The following IL1RN variants were observed in gnomAD, a reference collection of about 807,000 sequenced individuals.
IL1RN encodes interleukin 1 receptor antagonist, also known as interleukin-1 receptor antagonist protein.
In IL1RN, 10 loss-of-function variants were observed where a neutral mutation model predicts 13.7. The observed-to-expected ratio is 0.73, with a 90% CI of 0.45 to 1.24. The LOEUF is 1.24. Ranked by LOEUF, IL1RN falls within the 50% of genes most tolerant of loss-of-function variation. IL1RN has a pLI of 0.00. For synonymous variants in IL1RN, 102 were observed against 82.7 expected (o/e 1.23, Z -1.27); for missense variants, 213 against 222.1 (o/e 0.96, Z 0.26).
upstream of IL1RN, among the ~76,000 whole-genome samples, chr2:113,127,082 C>T (rs1573300480): frequency 6.6e-6 from 1 of 152,184 alleles, no homozygotes; most frequent in African/African-American, 2.4e-5. Context: ...GACAGCTGAG[C>T]TGAGTAATCG....
At chr2:113,110,380 C>T (rs1459575941), upstream of IL1RN, among the ~76,000 whole-genome samples, 4 of 152,146 alleles carry the variant, frequency 2.6e-5, no homozygotes, top group South Asian at 2.1e-4. Context: ...CCAAGCTATC[C>T]TAGTTTTGCA....
chr2:113,132,904 A>G lies in IL1RN; in HGVS notation c.*33A>G. ...CAGGCCTGCCTGTTCCCATTCTTGC[A>G]TGGCAAGGACTGCAGGGACTGCCAG... On this transcript the variant is annotated 3_prime_UTR_variant, in exon 4 of 4. Coordinates refer to ENST00000409930, the MANE Select transcript of IL1RN (RefSeq NM_173842.3). 6.2e-7 allele frequency: 1 copy of G among 1,601,748 alleles called. No individual in the cohort carries two copies.
At chr2:113,102,215 C>G (rs1426329055), upstream of IL1RN, among the ~76,000 whole-genome samples, 1 of 152,216 alleles carries the variant, frequency 6.6e-6, no homozygotes, top group African/African-American at 2.4e-5. Context: ...CACTTGCTGG[C>G]TGGCAGACAG....
At chr2:113,130,467 C>G (rs1289478975) in intron 2 of IL1RN, among the ~76,000 whole-genome samples, 2 of 152,252 alleles carry the variant, frequency 1.3e-5, no homozygotes, top group Non-Finnish European at 2.9e-5. Flanking sequence ...TGGAGCCCCA[C>G]TCATGGCCTT....
chr2:113,107,569 CAAA>C (rs33981313), upstream of IL1RN, among the ~76,000 whole-genome samples: 2 of 143,140 alleles, frequency 1.4e-5, no homozygotes, highest in African/African-American at 2.6e-5. Flanking sequence ...ACTAAAAATA[CAAA>C]AAAAAAAAAA....
At chr2:113,103,117 G>A (rs747477604), upstream of IL1RN, among the ~76,000 whole-genome samples, 27 of 152,212 alleles carry the variant, frequency 1.8e-4, no homozygotes, top group Non-Finnish European at 3.2e-4. Context: ...GCCTGTATCA[G>A]TAGATCAGAG....
rs886054775 is a variant in IL1RN at position 113,133,240 on chromosome 2, T to C, written c.*369T>C. On this transcript the variant is annotated 3_prime_UTR_variant, in exon 4 of 4. Transcript: ENST00000409930. ...CATGCCCTGGATCCATCAGGCCACT[T>C]GATGACCCCCAACCAAGTGGCTCCC... 8 of 359,336 alleles carry C rather than the reference T, an allele frequency of 2.2e-5. No individual in the cohort carries two copies. The East Asian group carries it at 5.3e-4, about 24-fold the overall frequency. The allele number at this position is 359,336 out of a possible 1,614,324, so 22.3% of individuals were successfully genotyped here. A position where few individuals can be genotyped will look rare whatever the true frequency, so the allele number is the denominator to read the frequency against.
At chr2:113,116,043 G>A (rs1686585242), upstream of IL1RN, among the ~76,000 whole-genome samples, 1 of 152,158 alleles carries the variant, frequency 6.6e-6, no homozygotes, top group Non-Finnish European at 1.5e-5. Context: ...CTTTACAGTT[G>A]TTAGCCCAGT....
At chr2:113,129,689 T>A (rs4252011) in intron 2 of IL1RN, 25 bp downstream of exon 2, 2 of 1,466,540 alleles carry the variant, frequency 1.4e-6, no homozygotes, top group African/African-American at 2.8e-5. Flanking sequence ...GGAAAGCCAA[T>A]GTATGTGGGC....
At chr2:113,111,734 C>T (rs1686499883) in intron 1 of IL1RN, among the ~76,000 whole-genome samples, 1 of 152,252 alleles carries the variant, frequency 6.6e-6, no homozygotes, top group African/African-American at 2.4e-5. Flanking sequence ...TACACTCACA[C>T]AGGTGAGGAC....
upstream of IL1RN, among the ~76,000 whole-genome samples, chr2:113,105,989 G>C (rs1003306668): frequency 1.3e-5 from 2 of 152,204 alleles, no homozygotes; most frequent in Non-Finnish European, 2.9e-5. Context: ...CCATTTCATA[G>C]CCATCTCACC....
At chr2:113,103,734 T>G (rs1007789848), upstream of IL1RN, among the ~76,000 whole-genome samples, 3 of 151,994 alleles carry the variant, frequency 2.0e-5, no homozygotes, top group African/African-American at 7.2e-5. Flanking sequence ...TCAACAGAAA[T>G]ACAGCAATCA....
At position 113,133,451 on chromosome 2, in the gene IL1RN, G is replaced by T. The variant is rs1234027062; in HGVS notation, c.*580G>T. 1 of 157,708 alleles carries T rather than the reference G, an allele frequency of 6.3e-6. No individual in the cohort carries two copies. The highest frequency in any genetic ancestry group is 1.4e-5 in the Non-Finnish European group (1 of 71,072). The allele number at this position is 157,708 out of a possible 1,614,324, so 9.8% of individuals were successfully genotyped here. On this transcript the variant is annotated 3_prime_UTR_variant, in exon 4 of 4. Coordinates refer to ENST00000409930, the MANE Select transcript of IL1RN (RefSeq NM_173842.3). The stretch of plus-strand genomic sequence containing the variant: ...TAAAATATTCCTGCATTTGTGAAAT[G>T]ATGGTGAAAGTAAGTGGTAGCTTTT...
chr2:113,126,996 C>T (rs1373006052), upstream of IL1RN, among the ~76,000 whole-genome samples: 1 of 152,218 alleles, frequency 6.6e-6, no homozygotes, highest in African/African-American at 2.4e-5. Context: ...CCATTCCCCG[C>T]TTTTGCAAAG....
chr2:113,101,480 C>A, the IL1RN span, among the ~76,000 whole-genome samples: 1 of 151,408 alleles, frequency 6.6e-6, no homozygotes, highest in East Asian at 1.9e-4. Flanking sequence ...GTTGCACCTA[C>A]TATAGCCACT....
chr2:113,119,765 G>A (rs182196722), intron 1 of IL1RN, among the ~76,000 whole-genome samples: 48 of 152,256 alleles, frequency 3.2e-4, no homozygotes, highest in African/African-American at 1.1e-3. Flanking sequence ...GATTGAATTC[G>A]GGAAAAAAGT....
At chr2:113,119,934 G>C (rs913169337) in intron 1 of IL1RN, 14 of 749,510 alleles carry the variant, frequency 1.9e-5, no homozygotes, top group Non-Finnish European at 2.8e-5. Context: ...GAAACTGGAA[G>C]GGTGAGAACA....
At chr2:113,113,617 A>G (rs538150364), upstream of IL1RN, among the ~76,000 whole-genome samples, 5 of 151,494 alleles carry the variant, frequency 3.3e-5, no homozygotes, top group African/African-American at 1.2e-4. Context: ...AAGGGGCAGG[A>G]GGACACTTCA....
intron 1 of IL1RN, among the ~76,000 whole-genome samples, chr2:113,112,173 G>T (rs1472028616): frequency 6.6e-6 from 1 of 152,176 alleles, no homozygotes; most frequent in Admixed American, 6.5e-5. Flanking sequence ...CCTTCCCTGT[G>T]AAAGCCCCTG....
Sources: gnomAD v4.1 joint callset for allele counts (sites outside exome capture counted in the v4.1 genomes callset) on GRCh38, gnomAD v4.1.1 for gene constraint, MANE v1.5 for transcripts, NCBI Gene and HGNC (gene_info 2026-07-23, HGNC 2026-07-21) for gene names.